TMPRSS11F: variants seen among roughly 807,000 people sequenced by gnomAD.
TMPRSS11F encodes the protein transmembrane protease serine 11F.
Under a neutral mutation model 60.2 loss-of-function variants are expected in TMPRSS11F, and 47 were observed. That is an observed-to-expected ratio of 0.78 (90% confidence interval 0.62 to 1.00). TMPRSS11F has a LOEUF of 1.00. Among genes scored for constraint, TMPRSS11F ranks in the 50% least tolerant of loss-of-function variants. The pLI is 0.00. For synonymous variants in TMPRSS11F, 166 were observed against 167.3 expected, an observed-to-expected ratio of 0.99 and a Z score of 0.06; for missense variants, 519 against 522.9, an observed-to-expected ratio of 0.99 and a Z score of 0.07.
At chr4:68,109,527 A>T (rs1434707331) in intron 1 of TMPRSS11F, among the ~76,000 whole-genome samples, 1 of 152,206 alleles carries the variant, frequency 6.6e-6, no homozygotes, top group Non-Finnish European at 1.5e-5. Flanking sequence ...TTCAGAATTT[A>T]ATGTTTAGCT....
At chr4:68,083,054 A>T (rs1477138276) in intron 3 of TMPRSS11F, among the ~76,000 whole-genome samples, 1 of 152,194 alleles carries the variant, frequency 6.6e-6, no homozygotes, top group South Asian at 2.1e-4. Context: ...GGGCAAAAAA[A>T]CTGTGAGCCA....
At chr4:68,093,015 T>C (rs1723977161) in intron 2 of TMPRSS11F, among the ~76,000 whole-genome samples, 1 of 152,210 alleles carries the variant, frequency 6.6e-6, no homozygotes, top group African/African-American at 2.4e-5. Context: ...TGTCCTTATA[T>C]GCAGAGAACA....
At chr4:68,068,592 G>A in intron 7 of TMPRSS11F, 26 bp downstream of exon 7, 1 of 1,601,630 alleles carries the variant, frequency 6.2e-7, no homozygotes, top group Non-Finnish European at 8.6e-7. Flanking sequence ...TGAAAAGAAG[G>A]CTCACAGCAG....
chr4:68,116,957 C>A (rs564422773), intron 1 of TMPRSS11F, among the ~76,000 whole-genome samples: 2 of 152,088 alleles, frequency 1.3e-5, no homozygotes, highest in Non-Finnish European at 2.9e-5. Flanking sequence ...TATGACATGA[C>A]ACCAAAAGCA....
chr4:68,090,382 C>T, intron 3 of TMPRSS11F, 141 bp downstream of exon 3: 1 of 1,289,552 alleles, frequency 7.8e-7, no homozygotes, highest in Non-Finnish European at 1.0e-6. Flanking sequence ...GTAATTTAAT[C>T]CTCACAACTG....
chr4:68,112,947 A>G (rs1443642872), intron 1 of TMPRSS11F, among the ~76,000 whole-genome samples: 1 of 152,214 alleles, frequency 6.6e-6, no homozygotes, highest in Non-Finnish European at 1.5e-5. Context: ...AATTTGCTCC[A>G]TAGAAAGTAA....
chr4:68,058,624 C>G (rs906755788), intron 9 of TMPRSS11F, among the ~76,000 whole-genome samples: 2 of 152,026 alleles, frequency 1.3e-5, no homozygotes, highest in African/African-American at 4.8e-5. Flanking sequence ...GATAAATAAA[C>G]ATACTGCATA....
intron 1 of TMPRSS11F, among the ~76,000 whole-genome samples, chr4:68,108,618 G>A (rs542071390): frequency 6.6e-6 from 1 of 152,242 alleles, no homozygotes; most frequent in African/African-American, 2.4e-5. Context: ...TACCCAATGA[G>A]CACACCTTCA....
chr4:68,083,557 T>C (rs757604579), intron 3 of TMPRSS11F, among the ~76,000 whole-genome samples: 6 of 151,658 alleles, frequency 4.0e-5, no homozygotes, highest in Admixed American at 6.6e-5. Context: ...TAGCCACAAA[T>C]AAAAACCAGT....
chr4:68,065,364 C>T (rs6842578), intron 7 of TMPRSS11F, among the ~76,000 whole-genome samples: 110,479 of 151,992 alleles, frequency 0.73, 40,891 homozygotes, highest in East Asian at 0.88. Flanking sequence ...TGAAGTGAAG[C>T]GTAATTTGTC....
At chr4:68,061,651 G>A (rs1401410884) in intron 8 of TMPRSS11F, among the ~76,000 whole-genome samples, 1 of 152,034 alleles carries the variant, frequency 6.6e-6, no homozygotes, top group Non-Finnish European at 1.5e-5. Context: ...TGTGTTTTCA[G>A]TTTGTAAAAA....
chr4:68,080,365 G>C (rs1196184090), intron 3 of TMPRSS11F: 1 of 152,226 alleles, frequency 6.6e-6, no homozygotes, highest in East Asian at 1.9e-4. Flanking sequence ...AATGAGTTGT[G>C]AGAAAAGAAT....
chr4:68,090,334 T>C (rs1456714760), intron 3 of TMPRSS11F, among the ~76,000 whole-genome samples, 189 bp downstream of exon 3: 1 of 152,126 alleles, frequency 6.6e-6, no homozygotes, highest in Non-Finnish European at 1.5e-5. Context: ...ATACATTTGA[T>C]GGTGCACACA....
At chr4:68,096,533 G>A (rs1577927406) in intron 2 of TMPRSS11F, among the ~76,000 whole-genome samples, 2 of 152,138 alleles carry the variant, frequency 1.3e-5, no homozygotes, top group Admixed American at 1.3e-4. Flanking sequence ...CATGGCATAT[G>A]TTCTTTTTCC....
intron 1 of TMPRSS11F, among the ~76,000 whole-genome samples, chr4:68,113,657 T>C (rs1724456654): frequency 6.6e-6 from 1 of 152,174 alleles, no homozygotes; most frequent in South Asian, 2.1e-4. Flanking sequence ...ACTGTTATAA[T>C]GAAGAGAAGT....
At chr4:68,084,570 T>G (rs1468200878) in intron 3 of TMPRSS11F, among the ~76,000 whole-genome samples, 1 of 152,144 alleles carries the variant, frequency 6.6e-6, no homozygotes, top group Non-Finnish European at 1.5e-5. Flanking sequence ...CTAAGCTTCA[T>G]AAGTAAAGGA....
At chr4:68,122,454 T>C (rs1048782873) in intron 1 of TMPRSS11F, among the ~76,000 whole-genome samples, 32 of 152,148 alleles carry the variant, frequency 2.1e-4, no homozygotes, top group African/African-American at 7.5e-4. Flanking sequence ...ATAATACCAA[T>C]ATTTCATTAA....
At chr4:68,103,830 C>A (rs1244006340) in intron 1 of TMPRSS11F, among the ~76,000 whole-genome samples, 1 of 151,922 alleles carries the variant, frequency 6.6e-6, no homozygotes. Flanking sequence ...TTATTTCTTT[C>A]GTATTTTGTA....
chr4:68,094,214 C>T (rs1157950236), intron 2 of TMPRSS11F, among the ~76,000 whole-genome samples: 4 of 98,796 alleles, frequency 4.0e-5, no homozygotes, highest in Non-Finnish European at 9.1e-5. Context: ...GAATACTATG[C>T]AGCCATAAAA....
Sources: gnomAD v4.1 joint callset for allele counts (sites outside exome capture counted in the v4.1 genomes callset) on GRCh38, gnomAD v4.1.1 for gene constraint, MANE v1.5 for transcripts, NCBI Gene and HGNC (gene_info 2026-07-23, HGNC 2026-07-21) for gene names.